Variants in ONECUT1 observed in about 807,000 individuals in gnomAD.
ONECUT1 encodes the protein one cut homeobox 1.
A neutral mutation model predicts 25.6 loss-of-function variants in ONECUT1; 12 were observed. The ratio of observed to expected loss-of-function variants is 0.47; its 90% CI spans 0.30 to 0.76. The LOEUF is 0.76. ONECUT1 is among the 30% of genes least tolerant of loss of function. The pLI is 0.07. For missense variants in ONECUT1, 620 were observed against 651.2 expected, an observed-to-expected ratio of 0.95 and a Z score of 0.52; for synonymous variants, 285 against 270.2, an observed-to-expected ratio of 1.05 and a Z score of -0.54.
At chr15:52,781,965 G>C (rs1319991743) in intron 1 of ONECUT1, among the ~76,000 whole-genome samples, 2 of 152,200 alleles carry the variant, frequency 1.3e-5, no homozygotes, top group Non-Finnish European at 2.9e-5. Flanking sequence ...GAGATTGGTT[G>C]TACTTTAGGG....
At chr15:52,781,493 A>C (rs1289075844) in intron 1 of ONECUT1, among the ~76,000 whole-genome samples, 1 of 152,144 alleles carries the variant, frequency 6.6e-6, no homozygotes, top group African/African-American at 2.4e-5. Flanking sequence ...GACTCCACTA[A>C]CCTGGTGCAC....
intron 1 of ONECUT1, among the ~76,000 whole-genome samples, chr15:52,759,686 C>T (rs2083694149): frequency 6.6e-6 from 1 of 152,158 alleles, no homozygotes; most frequent in Non-Finnish European, 1.5e-5. Flanking sequence ...GCAACCTCTG[C>T]CTCCGTGGGC....
chr15:52,785,013 A>C (rs1467228152), intron 1 of ONECUT1, among the ~76,000 whole-genome samples: 1 of 152,322 alleles, frequency 6.6e-6, no homozygotes, highest in Non-Finnish European at 1.5e-5. Context: ...AAGCGCGAGG[A>C]AACCGCTGCG....
intron 1 of ONECUT1, chr15:52,786,954 A>C (rs1413201184): frequency 6.6e-6 from 1 of 152,446 alleles, no homozygotes; most frequent in African/African-American, 2.4e-5. Flanking sequence ...TGCCTGGGTA[A>C]GAGGCCCTGA....
intron 1 of ONECUT1, among the ~76,000 whole-genome samples, chr15:52,773,561 T>C (rs912701664): frequency 6.6e-6 from 1 of 152,212 alleles, no homozygotes; most frequent in African/African-American, 2.4e-5. Flanking sequence ...CCTAAAGCCA[T>C]GAGCACACTT....
intron 1 of ONECUT1, among the ~76,000 whole-genome samples, chr15:52,765,400 C>T (rs917922493): frequency 7.2e-5 from 11 of 152,298 alleles, no homozygotes; most frequent in African/African-American, 2.2e-4. Flanking sequence ...CCCTACCTGC[C>T]ACTGAGAGAG....
intron 1 of ONECUT1, among the ~76,000 whole-genome samples, chr15:52,762,675 C>A (rs114609176): frequency 6.6e-6 from 1 of 152,024 alleles, no homozygotes; most frequent in Non-Finnish European, 1.5e-5. Flanking sequence ...GGTATGTCTG[C>A]GAATAAGTAG....
chr15:52,770,414 C>T (rs757335401), intron 1 of ONECUT1, among the ~76,000 whole-genome samples: 12 of 152,192 alleles, frequency 7.9e-5, no homozygotes, highest in South Asian at 2.1e-4. Flanking sequence ...CTTGTTAAGA[C>T]GAAGATTCTG....
intron 1 of ONECUT1, among the ~76,000 whole-genome samples, chr15:52,765,370 G>T (rs1015367537): frequency 3.9e-5 from 6 of 152,158 alleles, no homozygotes; most frequent in Admixed American, 3.9e-4. Flanking sequence ...ATGCACACAG[G>T]GTGAGCCCTC....
chr15:52,760,856 C>A (rs111991103), intron 1 of ONECUT1, among the ~76,000 whole-genome samples: 1 of 152,116 alleles, frequency 6.6e-6, no homozygotes, highest in African/African-American at 2.4e-5. Context: ...GGAGGGAGAA[C>A]TGGAAAGCAG....
chr15:52,759,238 A>C (rs2083691225), intron 1 of ONECUT1, among the ~76,000 whole-genome samples: 1 of 152,144 alleles, frequency 6.6e-6, no homozygotes. Flanking sequence ...TGTGTATTCC[A>C]GGTTCTCAAT....
rs937018239 is a variant in ONECUT1, at chr15:52,757,454, A to G, written c.*101T>C. The G allele has an allele frequency of 5.4e-6, 7 of 1,296,148 alleles. No homozygotes were observed. In the Admixed American group the frequency reaches 1.7e-4, roughly 31 times the overall value. 80.3% of individuals were successfully genotyped at this position (1,296,148 alleles called of 1,614,324 possible). On this transcript the variant is annotated 3_prime_UTR_variant, in exon 2 of 2. Coordinates refer to ENST00000305901, the MANE Select transcript of ONECUT1 (RefSeq NM_004498.4). ...ATAAATAACGCTTTTTTTTCTTCAAATATTTCTAAGTATAAACCTGCTATC... is the reference window on the plus strand; with the variant it reads ...ATAAATAACGCTTTTTTTTCTTCAAGTATTTCTAAGTATAAACCTGCTATC...
chr15:52,789,704 C>G lies in ONECUT1; in HGVS notation c.181G>C (p.Gly61Arg). ...TGGTAATCTCCGCCGCCGCTGCCGC[C>G]GTCCAGCAGGGACGCCATGCCCATG... is the stretch of plus-strand genomic sequence containing the variant. ...RSMGMASLLD[G>R]GSGGGDYHHH... is the part of the protein sequence containing the mutation. The change falls in exon 1 of 2, where the codon GGC becomes CGC. Residue 61 changes from glycine to arginine, a missense_variant. Physicochemically the swap from Gly to Arg is moderately radical, Grantham distance 125. Transcript: ENST00000305901. The surrounding 1 kb of genome is among the most constrained non-coding windows in gnomAD (Gnocchi z 4.1). The G allele has an allele frequency of 2.0e-6, 3 of 1,481,964 alleles. No homozygotes were observed. The highest frequency in any genetic ancestry group is 1.4e-5 in the South Asian group (1 of 72,328). The allele number at this position is 1,481,964 out of a possible 1,614,324, so 91.8% of individuals were successfully genotyped here. A position where few individuals can be genotyped will look rare whatever the true frequency, so the allele number is the denominator to read the frequency against.
chr15:52,784,057 G>C lies in ONECUT1; in HGVS notation c.1105+4723C>G, dbSNP rs1036566007. 6.6e-6 allele frequency among the ~76,000 whole-genome samples: 1 copy of C among 152,214 alleles called. No individual in the cohort carries two copies. Among genetic ancestry groups the C allele is most frequent in the African/African-American group, 2.4e-5 (1 of 41,452 alleles). On this transcript the variant is annotated intron_variant, in intron 1 of 1. Coordinates refer to ENST00000305901, the MANE Select transcript of ONECUT1 (RefSeq NM_004498.4). The surrounding 1 kb of genome is among the most constrained non-coding windows in gnomAD (Gnocchi z 5.0). ...CGCTGCCGCGGGCTGAACCACGGAC[G>C]CTCGCGGGTCGCCCAGCCCCGACGG...
chr15:52,786,425 C>T (rs1488107734), intron 1 of ONECUT1, among the ~76,000 whole-genome samples: 1 of 152,220 alleles, frequency 6.6e-6, no homozygotes, highest in African/African-American at 2.4e-5. Flanking sequence ...ACAGAGTCGG[C>T]TTGGTGTTTG....
intron 1 of ONECUT1, among the ~76,000 whole-genome samples, chr15:52,782,729 GA>G (rs2083849287): frequency 6.6e-6 from 1 of 152,164 alleles, no homozygotes; most frequent in Non-Finnish European, 1.5e-5. Flanking sequence ...CAAGAGTGTG[GA>G]AATTCTGCTG....
intron 1 of ONECUT1, among the ~76,000 whole-genome samples, chr15:52,782,963 C>G (rs2083850858): frequency 6.6e-6 from 1 of 152,164 alleles, no homozygotes; most frequent in Non-Finnish European, 1.5e-5. Flanking sequence ...GATTTTCTGT[C>G]TTACAAGAAA....
chr15:52,762,774 G>A (rs1454007218), intron 1 of ONECUT1, among the ~76,000 whole-genome samples: 2 of 152,190 alleles, frequency 1.3e-5, no homozygotes, highest in Non-Finnish European at 2.9e-5. Flanking sequence ...GTAGACTAAA[G>A]CTTACTGAGA....
rs188696026 is a variant in ONECUT1 at position 52,755,586 on chromosome 15, T to G, written c.*1969A>C. Among the ~76,000 whole-genome samples the G allele has an allele frequency of 1.6e-4, 25 of 152,364 alleles. No individual in the cohort carries two copies. Among genetic ancestry groups the G allele is most frequent in the Admixed American group, 1.6e-3 (24 of 15,306 alleles). ...GTTTTGCTTTACCTCTCTAGTTGCC[T>G]GCCTGTTACAGACCTAGACAAGGTG... is the stretch of plus-strand genomic sequence containing the variant. On this transcript the variant is annotated 3_prime_UTR_variant, in exon 2 of 2. Transcript: ENST00000305901.
Sources: allele counts gnomAD v4.1 joint callset (sites outside exome capture counted in the v4.1 genomes callset), GRCh38; gene constraint gnomAD v4.1.1; non-coding constraint Gnocchi (gnomAD v3.1); transcripts MANE v1.5; gene names NCBI Gene and HGNC (gene_info 2026-07-23, HGNC 2026-07-21).